The following PROS1 variants were observed in gnomAD, a reference collection of about 807,000 sequenced individuals.
PROS1 encodes the protein vitamin K-dependent protein S.
A neutral mutation model predicts 75.9 loss-of-function variants in PROS1; 29 were observed. That is an observed-to-expected ratio of 0.38 (90% CI 0.28 to 0.52). The LOEUF (loss-of-function observed/expected upper bound fraction) is 0.52, where lower values mean the gene tolerates loss of function less well. Ranked by LOEUF, PROS1 falls within the 20% of genes least tolerant of loss-of-function variation. PROS1 has a pLI of 0.83. For missense variants in PROS1, 680 were observed against 810.3 expected (o/e 0.84, Z 1.95); for synonymous variants, 245 against 280.6 (o/e 0.87, Z 1.27).
At position 93,937,466 on chromosome 3, in the gene PROS1, C is replaced by T. The variant is rs185226098; in HGVS notation, c.77-10059G>A. On this transcript the variant is annotated intron_variant, in intron 1 of 14. Transcript: ENST00000394236. ...CACTGCAAGCTCCGCCTCCTGGGTT[C>T]ATGCCATTCTCCTGCCTCAGCCTCC... is the stretch of plus-strand genomic sequence containing the variant. 1.7e-3 allele frequency among the ~76,000 whole-genome samples: 264 copies of T among 150,952 alleles called. 2 individuals are homozygous for T. Among genetic ancestry groups the T allele is most frequent in the African/African-American group, 5.7e-3 (233 of 41,134 alleles).
At chr3:93,923,678 A>C (rs1170479340) in intron 3 of PROS1, among the ~76,000 whole-genome samples, 2 of 152,096 alleles carry the variant, frequency 1.3e-5, no homozygotes, top group Non-Finnish European at 2.9e-5. Flanking sequence ...AGGAGAGTGG[A>C]CACTTGAGCC....
chr3:93,927,586 A>G (rs1278018833), intron 1 of PROS1, among the ~76,000 whole-genome samples, 179 bp from the exon 2 acceptor site: 4 of 152,064 alleles, frequency 2.6e-5, no homozygotes, highest in Admixed American at 1.3e-4. Flanking sequence ...CAATTCAGAG[A>G]GCGGGTTTGG....
Position 93,906,004 on chromosome 3 carries a change from G to A in PROS1, c.469+17C>T. On this transcript the variant is annotated intron_variant, in intron 5 of 14. Coordinates refer to ENST00000394236, the MANE Select transcript of PROS1 (RefSeq NM_000313.4). ...ACCAATCCTGATGAGCTGGGGGGCG[G>A]GGGTTATTATACGTACCAAATTCAC... is the stretch of plus-strand genomic sequence containing the variant. 2 of 1,613,856 alleles carry A rather than the reference G, an allele frequency of 1.2e-6. No individual in the cohort carries two copies. Among genetic ancestry groups the A allele is most frequent in the Non-Finnish European group, 1.7e-6 (2 of 1,179,916 alleles).
At chr3:93,903,864 T>C (rs1283262812) in intron 6 of PROS1, among the ~76,000 whole-genome samples, 1 of 152,016 alleles carries the variant, frequency 6.6e-6, no homozygotes, top group Admixed American at 6.6e-5. Flanking sequence ...GTGCACATTG[T>C]GCAGGTTAGT....
chr3:93,946,207 T>C (rs1559947485), intron 1 of PROS1, among the ~76,000 whole-genome samples: 2 of 152,082 alleles, frequency 1.3e-5, no homozygotes, highest in African/African-American at 4.8e-5. Flanking sequence ...GAAGAATCAA[T>C]ATCACGAAAA....
chr3:93,927,980 T>C (rs1709051041), intron 1 of PROS1, among the ~76,000 whole-genome samples: 1 of 80,228 alleles, frequency 1.2e-5, no homozygotes, highest in Admixed American at 1.7e-4. Flanking sequence ...TGTGTATATA[T>C]ATGTGTGTGT....
chr3:93,891,255 C>T (rs1466403257), intron 10 of PROS1, among the ~76,000 whole-genome samples: 2 of 152,182 alleles, frequency 1.3e-5, no homozygotes, highest in Non-Finnish European at 2.9e-5. Context: ...CAGCTATCCT[C>T]TGCTGATGGC....
At chr3:93,949,361 T>C in intron 1 of PROS1, among the ~76,000 whole-genome samples, 1 of 152,188 alleles carries the variant, frequency 6.6e-6, no homozygotes, top group Non-Finnish European at 1.5e-5. Flanking sequence ...CTTACCACAT[T>C]TGGCAGGATT....
chr3:93,946,260 C>T (rs1382002310), intron 1 of PROS1, among the ~76,000 whole-genome samples: 3 of 152,160 alleles, frequency 2.0e-5, no homozygotes, highest in South Asian at 2.1e-4. Context: ...AATGCCATCC[C>T]CATCAAGCTA....
chr3:93,948,186 A>G (rs1402526128), intron 1 of PROS1, among the ~76,000 whole-genome samples: 1 of 152,208 alleles, frequency 6.6e-6, no homozygotes, highest in South Asian at 2.1e-4. Flanking sequence ...GAATGACCCA[A>G]AAGAAAATAG....
rs1278174377 is a variant in PROS1 at position 93,892,835 on chromosome 3, C to G, written c.1155+98G>C. 8 of 1,179,930 alleles carry G rather than the reference C, an allele frequency of 6.8e-6. No homozygotes were observed. The Admixed American group carries it at 1.4e-4, about 20-fold the overall frequency. The allele number at this position is 1,179,930 out of a possible 1,614,324, so 73.1% of individuals were successfully genotyped here. On this transcript the variant is annotated intron_variant, in intron 10 of 14. Transcript: ENST00000394236. The stretch of plus-strand genomic sequence containing the variant: ...ATACCTCATATAGCATCAGATAACT[C>G]CAAATCCATTTTGGTTTGGTATCAC...
At chr3:93,946,838 GA>G (rs769904782) in intron 1 of PROS1, among the ~76,000 whole-genome samples, 3,789 of 64,026 alleles carry the variant, frequency 0.059, 50 homozygotes, top group South Asian at 0.075. Context: ...CTTCTGCACA[GA>G]AAAAAAAAAA....
intron 6 of PROS1, among the ~76,000 whole-genome samples, chr3:93,901,215 C>T (rs377718582): frequency 3.3e-5 from 5 of 152,058 alleles, no homozygotes; most frequent in South Asian, 2.1e-4. Context: ...GGTTGTGGTG[C>T]GAAAATAAAT....
rs574704170 is a variant in PROS1 at position 93,925,797 on chromosome 3, T to C, written c.234+1453A>G. Among the ~76,000 whole-genome samples the C allele has an allele frequency of 2.1e-4, 29 of 140,444 alleles. No individual in the cohort carries two copies. The South Asian group carries it at 4.9e-3, about 24-fold the overall frequency. 92.1% of individuals were successfully genotyped at this position (140,444 alleles called of 152,430 possible). On this transcript the variant is annotated intron_variant, in intron 2 of 14. Transcript: ENST00000394236. ...ATGATCATGCCACTGCACTCTAGCC[T>C]GGGCAACAGAGCAAGACCCTGTCTA...
At chr3:93,955,002 A>G (rs1273993478) in intron 1 of PROS1, among the ~76,000 whole-genome samples, 1 of 152,212 alleles carries the variant, frequency 6.6e-6, no homozygotes, top group Non-Finnish European at 1.5e-5. Context: ...CCATCAGAGA[A>G]ATGCAAATCA....
intron 2 of PROS1, among the ~76,000 whole-genome samples, chr3:93,925,622 G>A (rs1265965578): frequency 1.3e-5 from 2 of 151,904 alleles, no homozygotes; most frequent in African/African-American, 4.8e-5. Context: ...CAGATTGCTC[G>A]AGCCCAGACT....
intron 3 of PROS1, among the ~76,000 whole-genome samples, chr3:93,917,183 A>G (rs1389971122): frequency 6.6e-6 from 1 of 152,236 alleles, no homozygotes; most frequent in African/African-American, 2.4e-5. Context: ...CAAAAAATAC[A>G]TACATATTCC....
intron 1 of PROS1, among the ~76,000 whole-genome samples, chr3:93,947,588 A>G (rs1709424952): frequency 6.6e-6 from 1 of 151,658 alleles, no homozygotes; most frequent in South Asian, 2.1e-4. Flanking sequence ...TTTTTTTCTG[A>G]GACAGTCTCG....
chr3:93,945,353 C>CA (rs992818827), intron 1 of PROS1, among the ~76,000 whole-genome samples: 4 of 151,518 alleles, frequency 2.6e-5, no homozygotes, highest in South Asian at 4.2e-4. Flanking sequence ...GACACAACAA[C>CA]AAAAAAAAGA....
Sources: allele counts gnomAD v4.1 joint callset (sites outside exome capture counted in the v4.1 genomes callset), GRCh38; gene constraint gnomAD v4.1.1; transcripts MANE v1.5; gene names NCBI Gene and HGNC (gene_info 2026-07-23, HGNC 2026-07-21).